Variants in PKHD1 observed in about 807,000 individuals in gnomAD.
The protein encoded by PKHD1 is PKHD1 ciliary IPT domain containing fibrocystin/polyductin.
In PKHD1, 291 loss-of-function variants were observed where a neutral mutation model predicts 412.0. That is an observed-to-expected ratio of 0.71 (90% CI 0.64 to 0.78). The LOEUF (loss-of-function observed/expected upper bound fraction) is 0.78. Among genes scored for constraint, PKHD1 ranks in the 30% least tolerant of loss-of-function variants. The pLI is 0.00. For synonymous variants in PKHD1, 1,777 were observed against 1,821.5 expected (o/e 0.98, Z 0.62); for missense variants, 4,825 against 4,950.7 (o/e 0.97, Z 0.76).
At chr6:51,646,219 G>A (rs1176904165) in intron 63 of PKHD1, among the ~76,000 whole-genome samples, 1 of 152,136 alleles carries the variant, frequency 6.6e-6, no homozygotes, top group Non-Finnish European at 1.5e-5. Flanking sequence ...CTGTGATATT[G>A]TGCATGATTG....
At chr6:52,075,352 G>A (rs573875219) in intron 6 of PKHD1, among the ~76,000 whole-genome samples, 12 of 152,250 alleles carry the variant, frequency 7.9e-5, no homozygotes, top group African/African-American at 2.4e-4. Flanking sequence ...AACAAGATCC[G>A]TCTATGCATT....
rs530042407 is a variant in PKHD1, at chr6:51,793,478, A to G, written c.8303-2105T>C. On this transcript the variant is annotated intron_variant, in intron 52 of 66. Coordinates refer to ENST00000371117, the MANE Select transcript of PKHD1 (RefSeq NM_138694.4). ...CCATCACTAAGGTATTAAACCCAGC[A>G]TCAATTAGCTATTCTTCCTGATCCT... Among the ~76,000 whole-genome samples, 172 of 152,310 alleles carry G rather than the reference A, an allele frequency of 1.1e-3. 1 individual carries two copies. The highest frequency in any genetic ancestry group is 3.0e-3 in the Admixed American group (46 of 15,308).
intron 36 of PKHD1, among the ~76,000 whole-genome samples, chr6:51,937,532 C>A (rs1015429135): frequency 2.0e-5 from 3 of 152,220 alleles, no homozygotes; most frequent in African/African-American, 7.2e-5. Context: ...GAGGCCACTT[C>A]TTCCCTAACT....
Position 52,062,562 on chromosome 6 carries a change from T to A in PKHD1, c.1075A>T (p.Ser359Cys), listed in dbSNP as rs1281053084. 6.2e-7 allele frequency: 1 copy of A among 1,614,174 alleles called. No homozygotes were observed. The highest frequency in any genetic ancestry group is 8.5e-7 in the Non-Finnish European group (1 of 1,179,984). ...TGTGACCAAAACCCAAATGGAGAAC[T>A]GGCATTAGGGACAATCTGCCACCTG... is the stretch of plus-strand genomic sequence containing the variant. Reference protein sequence around the residue: ...GYRWQIVPNASSPFGFWSQEG... With the variant: ...GYRWQIVPNACSPFGFWSQEG... The change falls in exon 14 of 67, where the codon AGT (serine) becomes TGT (cysteine). Residue 359 changes from serine (S) to cysteine (C), a missense_variant. By Grantham distance (112) the Ser-to-Cys change is moderately radical. Coordinates refer to ENST00000371117, the MANE Select transcript of PKHD1 (RefSeq NM_138694.4).
At chr6:51,717,429 G>A (rs1781411528) in intron 60 of PKHD1, among the ~76,000 whole-genome samples, 2 of 151,456 alleles carry the variant, frequency 1.3e-5, no homozygotes, top group South Asian at 2.1e-4. Context: ...AAAAAAAATG[G>A]ACTGCATATA....
At chr6:51,803,424 G>A (rs1161183947) in intron 52 of PKHD1, among the ~76,000 whole-genome samples, 2 of 152,038 alleles carry the variant, frequency 1.3e-5, no homozygotes, top group African/African-American at 4.8e-5. Context: ...ATAATATCTG[G>A]ATTCTACAAC....
chr6:51,665,898 C>G (rs1773676785), intron 60 of PKHD1, among the ~76,000 whole-genome samples: 1 of 152,056 alleles, frequency 6.6e-6, no homozygotes, highest in Non-Finnish European at 1.5e-5. Flanking sequence ...CTTCATCTCC[C>G]TTGAAGCAGG....
At position 51,664,330 on chromosome 6, in the gene PKHD1, G is replaced by A. The variant is rs574574292; in HGVS notation, c.10157-4361C>T. Reference sequence around the variant, plus strand: ...GGCAGGCACTTGAGAGGGAGAGAAGGAGACAGAGGGAGAAAAGGGTTTGAA... The same window carrying A: ...GGCAGGCACTTGAGAGGGAGAGAAGAAGACAGAGGGAGAAAAGGGTTTGAA... On this transcript the variant is annotated intron_variant, in intron 60 of 66. Transcript: ENST00000371117. Among the ~76,000 whole-genome samples the A allele has an allele frequency of 2.6e-5, 4 of 152,258 alleles. No individual in the cohort carries two copies. The South Asian group carries it at 8.3e-4, about 32-fold the overall frequency.
chr6:51,643,296 G>T (rs1262111718), intron 63 of PKHD1, among the ~76,000 whole-genome samples: 1 of 151,960 alleles, frequency 6.6e-6, no homozygotes, highest in Non-Finnish European at 1.5e-5. Flanking sequence ...GACATGCCTT[G>T]TGTCTACAAA....
chr6:51,909,552 A>G, intron 39 of PKHD1, 78 bp from the exon 40 acceptor site: 1 of 1,065,340 alleles, frequency 9.4e-7, no homozygotes, highest in Non-Finnish European at 1.5e-6. Context: ...TTTGAAAGGT[A>G]CTGTCAGCAC....
intron 32 of PKHD1, among the ~76,000 whole-genome samples, chr6:52,024,212 C>T (rs754889926): frequency 9.9e-5 from 15 of 152,080 alleles, no homozygotes; most frequent in South Asian, 6.2e-4. Flanking sequence ...TTTTAAACAA[C>T]GCAAATTGGC....
intron 37 of PKHD1, among the ~76,000 whole-genome samples, chr6:51,932,989 G>A (rs1221790755): frequency 3.3e-5 from 5 of 152,174 alleles, no homozygotes; most frequent in Non-Finnish European, 7.3e-5. Context: ...CCTATGACAA[G>A]TGGATTATTT....
intron 51 of PKHD1, among the ~76,000 whole-genome samples, chr6:51,832,242 G>C (rs1768379414): frequency 6.6e-6 from 1 of 152,046 alleles, no homozygotes; most frequent in South Asian, 2.1e-4. Flanking sequence ...ATTTTGCCAG[G>C]AGAAGCTTCC....
At chr6:51,941,236 CTTTTTTTTTTTT>C (rs539546758) in intron 36 of PKHD1, among the ~76,000 whole-genome samples, 2 of 63,018 alleles carry the variant, frequency 3.2e-5, no homozygotes, top group Admixed American at 2.6e-4. Context: ...ACAGCATGGC[CTTTTTTTTTTTT>C]TTTTTTTTTT....
intron 35 of PKHD1, among the ~76,000 whole-genome samples, chr6:51,962,871 C>T (rs1428336364): frequency 2.0e-5 from 3 of 152,050 alleles, no homozygotes; most frequent in Non-Finnish European, 2.9e-5. Context: ...TTAAATAATA[C>T]AATTCCTTGC....
chr6:51,789,917 A>G (rs1793475187), intron 53 of PKHD1, among the ~76,000 whole-genome samples: 1 of 152,220 alleles, frequency 6.6e-6, no homozygotes, highest in East Asian at 1.9e-4. Flanking sequence ...GATAGATTTT[A>G]GCTTAATAGA....
At chr6:51,806,253 C>G (rs1005087436) in intron 52 of PKHD1, among the ~76,000 whole-genome samples, 5 of 151,986 alleles carry the variant, frequency 3.3e-5, no homozygotes, top group Non-Finnish European at 7.4e-5. Context: ...TAGTGGTTCA[C>G]CCAAGAGGCC....
chr6:51,680,320 A>T (rs1055881769), intron 60 of PKHD1, among the ~76,000 whole-genome samples: 2 of 151,932 alleles, frequency 1.3e-5, no homozygotes, highest in African/African-American at 4.8e-5. Flanking sequence ...ACAGTACAAC[A>T]CTACTTGAAA....
intron 60 of PKHD1, among the ~76,000 whole-genome samples, chr6:51,706,204 G>A (rs1779999524): frequency 6.6e-6 from 1 of 152,080 alleles, no homozygotes; most frequent in South Asian, 2.1e-4. Context: ...TGCCTGTTGT[G>A]TCTGCTGCTG....
Sources: allele counts gnomAD v4.1 joint callset (sites outside exome capture counted in the v4.1 genomes callset), GRCh38; gene constraint gnomAD v4.1.1; transcripts MANE v1.5; gene names NCBI Gene and HGNC (gene_info 2026-07-23, HGNC 2026-07-21).